IGSF22: variants seen among roughly 807,000 people sequenced by gnomAD.
IGSF22 encodes immunoglobulin superfamily member 22, also known as immunoglobulin superfamily, member 22.
Under a neutral mutation model 127.0 loss-of-function variants are expected in IGSF22, and 119 were observed. That is an observed-to-expected ratio of 0.94 (90% CI 0.81 to 1.09). The LOEUF is 1.09. IGSF22 is among the 50% of genes least tolerant of loss of function. The probability of loss-of-function intolerance (pLI) is 0.00; values close to 1 mark genes in which losing one functional copy is unlikely to be tolerated. For missense variants in IGSF22, 1,518 were observed against 1,716.6 expected (o/e 0.88, Z 2.04); for synonymous variants, 568 against 664.7 (o/e 0.85, Z 2.24).
At chr11:18,723,587 T>A (rs1848606964) in intron 2 of IGSF22, among the ~76,000 whole-genome samples, 1 of 152,248 alleles carries the variant, frequency 6.6e-6, no homozygotes, top group South Asian at 2.1e-4. Context: ...AACACTCTGT[T>A]CAGCTCTGAG....
Position 18,710,709 on chromosome 11 carries a change from G to C in IGSF22, c.2518C>G (p.Arg840Gly). 1 of 1,614,054 alleles carries C rather than the reference G, an allele frequency of 6.2e-7. No homozygotes were observed. Among genetic ancestry groups the C allele is most frequent in the Non-Finnish European group, 8.5e-7 (1 of 1,179,944 alleles). Residue 840 changes from arginine to glycine, a missense_variant, in exon 16 of 23, where the codon CGA becomes GGA. Transcript: ENST00000513874. ...GAPVLGYIVE[R>G]RKKGSNLWVP... The stretch of plus-strand genomic sequence containing the variant: ...CACAGGTTGCTGCCTTTCTTCCTTC[G>C]TTCTACAATGTAGCCGAGCACTGGG...
At chr11:18,707,516 C>G in intron 20 of IGSF22, 1 of 526,940 alleles carries the variant, frequency 1.9e-6, no homozygotes, top group East Asian at 3.0e-5. Context: ...TGAATCCATT[C>G]CTTCCTTGGG....
At position 18,707,198 on chromosome 11, in the gene IGSF22, G is replaced by C. The variant is rs528788256; in HGVS notation, c.3296C>G (p.Pro1099Arg). 7 of 1,532,194 alleles carry C rather than the reference G, an allele frequency of 4.6e-6. No individual in the cohort carries two copies. Among genetic ancestry groups the C allele is most frequent in the Non-Finnish European group, 6.2e-6 (7 of 1,134,940 alleles). 94.9% of individuals were successfully genotyped at this position (1,532,194 alleles called of 1,614,324 possible). Residue 1099 changes from proline (P) to arginine (R), a missense_variant, in exon 21 of 23, where the codon CCC becomes CGC. Pro to Arg is a moderately radical substitution (Grantham distance 103). Transcript: ENST00000513874. ...TTCCTCAAACAACCGTAGGTTTGTG[G>C]GGGGCCGAGGGAAATCTGGAAGAGT... ...HVRVADFPRP[P>R]TNLRLFEEVP...
intron 6 of IGSF22, 21 bp from the exon 7 acceptor site, chr11:18,719,914 C>A: frequency 6.2e-7 from 1 of 1,613,972 alleles, no homozygotes; most frequent in South Asian, 1.1e-5. Context: ...GAGGAAGGGA[C>A]TAAGCTTGTA....
chr11:18,713,701 C>T (rs560923714), intron 14 of IGSF22, 151 bp downstream of exon 14: 11 of 649,116 alleles, frequency 1.7e-5, no homozygotes, highest in South Asian at 4.0e-5. Flanking sequence ...AGTTAGGAAG[C>T]GGGCTTCTGG....
Position 18,704,414 on chromosome 11 carries a change from G to T in IGSF22, c.*54C>A. The T allele has an allele frequency of 8.0e-7, 1 of 1,255,276 alleles. No homozygotes were observed. Among genetic ancestry groups the T allele is most frequent in the Non-Finnish European group, 1.1e-6 (1 of 877,110 alleles). 77.8% of individuals were successfully genotyped at this position (1,255,276 alleles called of 1,614,324 possible). On this transcript the variant is annotated 3_prime_UTR_variant, in exon 23 of 23. Coordinates refer to ENST00000513874, the MANE Select transcript of IGSF22 (RefSeq NM_173588.4). ...CCTACACTGGGCCATGCAGAGGACA[G>T]GCCAAGAAACTCCACATCATAACAG...
chr11:18,715,500 T>C lies in IGSF22; in HGVS notation c.1463A>G (p.Tyr488Cys). 1 of 1,613,948 alleles carries C rather than the reference T, an allele frequency of 6.2e-7. No homozygotes were observed. Among genetic ancestry groups the C allele is most frequent in the Non-Finnish European group, 8.5e-7 (1 of 1,179,956 alleles). The change falls in exon 11 of 23, where the codon TAC becomes TGC. Residue 488 changes from tyrosine to cysteine, a missense_variant. This residue lies in a region of IGSF22 where 1,456 missense variants were observed against 1,644.9 expected (regional missense o/e 0.89). Transcript: ENST00000513874. ...TCCATCCTGCATGGCCACCACAGTG[T>C]ACTCGCCACCATCACTGAGCTGTGC... The part of the protein sequence containing the change: ...EDAQLSDGGE[Y>C]TVVAMQDGDP...
chr11:18,719,707 G>C lies in IGSF22; in HGVS notation c.696+9C>G, dbSNP rs1848532284. Reference sequence around the variant, plus strand: ...GCCTGCAGGCCCCTGCTCCCTGCAGGGTACTTACCTCCACCTCTACTTTCT... The same window carrying C: ...GCCTGCAGGCCCCTGCTCCCTGCAGCGTACTTACCTCCACCTCTACTTTCT... On this transcript the variant is annotated intron_variant, in intron 7 of 22. Transcript: ENST00000513874. 6.2e-7 allele frequency: 1 copy of C among 1,613,540 alleles called. No individual in the cohort carries two copies. The highest frequency in any genetic ancestry group is 8.5e-7 in the Non-Finnish European group (1 of 1,179,816).
At chr11:18,719,684 C>T (rs1848531532) in intron 7 of IGSF22, 32 bp downstream of exon 7, 1 of 1,605,840 alleles carries the variant, frequency 6.2e-7, no homozygotes, top group East Asian at 2.2e-5. Flanking sequence ...TGCCCCTAGC[C>T]TGCAGGCCCC....
rs571307343 is a variant in IGSF22 at position 18,724,033 on chromosome 11, GC to G, written c.109+94del. Reference sequence around the variant, plus strand: ...TGTTGGTATTGTGGGCTCCAGAGGGGCCCATTAGTGGCAAAACTGGGGCCAC... The same window carrying G: ...TGTTGGTATTGTGGGCTCCAGAGGGGCCATTAGTGGCAAAACTGGGGCCAC... On this transcript the variant is annotated intron_variant, in intron 2 of 22. Transcript: ENST00000513874. 365 of 893,006 alleles carry G rather than the reference GC, an allele frequency of 4.1e-4. 1 individual carries two copies. The African/African-American group carries it at 5.4e-3, about 13-fold the overall frequency. The allele number at this position is 893,006 out of a possible 1,614,324, so 55.3% of individuals were successfully genotyped here.
At chr11:18,706,805 C>A in intron 21 of IGSF22, 109 bp downstream of exon 21, 1 of 854,482 alleles carries the variant, frequency 1.2e-6, no homozygotes, top group Admixed American at 3.3e-5. Flanking sequence ...CGTTCTATCT[C>A]AATGGTTTTC....
At position 18,709,320 on chromosome 11, in the gene IGSF22, G is replaced by T; in HGVS notation, c.2998+67C>A. On this transcript the variant is annotated intron_variant, in intron 18 of 22. Transcript: ENST00000513874. This position sits in a 1 kb window ranked among gnomAD's most constrained non-coding sequence, Gnocchi z 4.8. The stretch of plus-strand genomic sequence containing the variant: ...TCATCCAATTTTCCTGTGGGATGAG[G>T]CCCCAGAGGAGAAGGTTTGGAGGTA... The T allele has an allele frequency of 6.8e-7, 1 of 1,475,248 alleles. No individual in the cohort carries two copies. The highest frequency in any genetic ancestry group is 9.3e-7 in the Non-Finnish European group (1 of 1,075,964). 91.4% of individuals were successfully genotyped at this position (1,475,248 alleles called of 1,614,324 possible).
chr11:18,709,043 T>C lies in IGSF22; in HGVS notation c.2998+344A>G, dbSNP rs1848300515. ...ACTTTGAATTTTCGGGGAATTGATT[T>C]GGGTAATAACTCTGTCTCCCATACA... On this transcript the variant is annotated intron_variant, in intron 18 of 22. Coordinates refer to ENST00000513874, the MANE Select transcript of IGSF22 (RefSeq NM_173588.4). This position sits in a 1 kb window ranked among gnomAD's most constrained non-coding sequence, Gnocchi z 4.8. Among the ~76,000 whole-genome samples the C allele has an allele frequency of 6.6e-6, 1 of 152,166 alleles. No homozygotes were observed. The highest frequency in any genetic ancestry group is 1.5e-5 in the Non-Finnish European group (1 of 68,032).
In IGSF22 at chr11:18,716,825, C is replaced by T. The variant is rs1329928308; in HGVS notation, c.1149G>A (p.Thr383=). ...TGGCATCCTTAATCTTAAGCGTGTGCGTCAGACCATCTTCGGACACCGTGA... is the reference window on the plus strand; with the variant it reads ...TGGCATCCTTAATCTTAAGCGTGTGTGTCAGACCATCTTCGGACACCGTGA... ...YEITVSEDGL[T]HTLKIKDARL... The change falls in exon 10 of 23, where the codon ACG becomes ACA. Residue 383 remains threonine (T), a synonymous_variant. Transcript: ENST00000513874. This position sits in a 1 kb window ranked among gnomAD's most constrained non-coding sequence, Gnocchi z 4.5. The T allele has an allele frequency of 8.1e-6, 13 of 1,614,026 alleles. No individual in the cohort carries two copies. The highest frequency in any genetic ancestry group is 1.1e-5 in the Non-Finnish European group (13 of 1,180,026).
chr11:18,717,079 T>C lies in IGSF22; in HGVS notation c.974-79A>G. On this transcript the variant is annotated intron_variant, in intron 9 of 22. Coordinates refer to ENST00000513874, the MANE Select transcript of IGSF22 (RefSeq NM_173588.4). ...GAGTGGTGAAGAGGGCACTCACATGTCACTGGCCTCCTGTAGCCCATGGCT... is the reference window on the plus strand; with the variant it reads ...GAGTGGTGAAGAGGGCACTCACATGCCACTGGCCTCCTGTAGCCCATGGCT... 2.7e-6 allele frequency: 4 copies of C among 1,491,484 alleles called. No individual in the cohort carries two copies. The South Asian group carries it at 3.7e-5, about 14-fold the overall frequency. 92.4% of individuals were successfully genotyped at this position (1,491,484 alleles called of 1,614,324 possible).
intron 14 of IGSF22, among the ~76,000 whole-genome samples, chr11:18,712,839 T>C (rs1041274880): frequency 3.3e-5 from 5 of 152,214 alleles, no homozygotes; most frequent in Admixed American, 6.5e-5. Flanking sequence ...GTCTTGCTGC[T>C]GAATTGAATT....
chr11:18,718,465 A>G (rs1275574612), intron 8 of IGSF22, 150 bp downstream of exon 8: 2 of 671,900 alleles, frequency 3.0e-6, no homozygotes, highest in African/African-American at 1.8e-5. Flanking sequence ...GAAACAGTTA[A>G]GAGTAGAGCC....
Position 18,714,394 on chromosome 11 carries a change from T to G in IGSF22, c.1681A>C (p.Ile561Leu). The G allele has an allele frequency of 6.2e-7, 1 of 1,614,030 alleles. No individual in the cohort carries two copies. Among genetic ancestry groups the G allele is most frequent in the East Asian group, 2.2e-5 (1 of 44,882 alleles). ...TTGTGCACTGCACCCTGCTTCACAA[T>G]CTGCATGCCTGGCAAGTCCGTGATC... ...KEITDLPGMQ[I>L]VKQGAVHKLI... Residue 561 changes from isoleucine (I) to leucine (L), a missense_variant, in exon 13 of 23, where the codon ATT becomes CTT. Ile to Leu is a conservative substitution (Grantham distance 5). Transcript: ENST00000513874.
chr11:18,724,080 A>C (rs1435206682), intron 2 of IGSF22, 48 bp downstream of exon 2: 2 of 1,479,598 alleles, frequency 1.4e-6, no homozygotes, highest in South Asian at 2.3e-5. Context: ...GGTGTGGAGG[A>C]AGAATAGCTG....
Sources: allele counts gnomAD v4.1 joint callset (sites outside exome capture counted in the v4.1 genomes callset), GRCh38; gene constraint gnomAD v4.1.1; regional missense constraint gnomAD v4.1.1; non-coding constraint Gnocchi (gnomAD v3.1); transcripts MANE v1.5; gene names NCBI Gene and HGNC (gene_info 2026-07-23, HGNC 2026-07-21).